Variants in NTNG2 observed in about 807,000 individuals in gnomAD.
NTNG2 encodes netrin G2.
NTNG2 carries 15 observed loss-of-function variants against 47.6 expected under a neutral mutation model. That is an observed-to-expected ratio of 0.32 (90% confidence interval 0.21 to 0.49). The LOEUF is 0.49. NTNG2 is among the 20% of genes least tolerant of loss of function. The probability of loss-of-function intolerance (pLI) is 0.99; values close to 1 mark genes in which losing one functional copy is unlikely to be tolerated. For synonymous variants in NTNG2, 307 were observed against 324.6 expected (o/e 0.95, Z 0.58); for missense variants, 578 against 764.6 (o/e 0.76, Z 2.88).
chr9:132,241,589 A>C, intron 7 of NTNG2: 1 of 427,624 alleles, frequency 2.3e-6, no homozygotes, highest in East Asian at 4.5e-5. Context: ...AGGCGCGTGG[A>C]ACAGCACGTG....
chr9:132,205,617 A>C (rs966682612), intron 3 of NTNG2, among the ~76,000 whole-genome samples: 15 of 152,206 alleles, frequency 9.9e-5, no homozygotes, highest in African/African-American at 3.6e-4. Flanking sequence ...GCGGTGGCTC[A>C]TGCCTGTAAT....
At chr9:132,227,630 T>A (rs928626648) in intron 4 of NTNG2, among the ~76,000 whole-genome samples, 1 of 152,166 alleles carries the variant, frequency 6.6e-6, no homozygotes, top group East Asian at 1.9e-4. Flanking sequence ...TATCCCTTTT[T>A]ACAGATGTGT....
At chr9:132,189,568 C>T (rs1837701676) in intron 2 of NTNG2, among the ~76,000 whole-genome samples, 2 of 152,130 alleles carry the variant, frequency 1.3e-5, no homozygotes, top group East Asian at 3.9e-4. Flanking sequence ...TGTCCTGCTT[C>T]AGGGAAGAAG....
At chr9:132,229,805 G>A (rs949902739) in intron 4 of NTNG2, among the ~76,000 whole-genome samples, 2 of 152,176 alleles carry the variant, frequency 1.3e-5, no homozygotes, top group African/African-American at 2.4e-5. Context: ...GTCCTTTCTC[G>A]GGAACACCGT....
intron 3 of NTNG2, among the ~76,000 whole-genome samples, chr9:132,224,122 A>T (rs1840552204): frequency 6.6e-6 from 1 of 152,098 alleles, no homozygotes; most frequent in Non-Finnish European, 1.5e-5. Context: ...CTCTTTTAAC[A>T]GTTGAACACT....
rs1038611055 is a variant in NTNG2 at position 132,163,410 on chromosome 9, G to T, written c.-484+1171G>T. ...CCGGATAAAGGGCCCGCTCCGGAGC[G>T]GGGGGACACCCGGGCCGCCGGAATT... On this transcript the variant is annotated intron_variant, in intron 1 of 7. Coordinates refer to ENST00000393229, the MANE Select transcript of NTNG2 (RefSeq NM_032536.4). This position sits in a 1 kb window ranked among gnomAD's most constrained non-coding sequence, Gnocchi z 7.2. 2.0e-5 allele frequency among the ~76,000 whole-genome samples: 3 copies of T among 151,548 alleles called. No homozygotes were observed. The highest frequency in any genetic ancestry group is 4.8e-5 in the African/African-American group (2 of 41,272).
rs535074627 is a variant in NTNG2, at chr9:132,181,595, G to A, written c.213+14551G>A. ...CTCCCAAAGTGTCGGGATTACAGGC[G>A]TGAGCCACCGTGCCTGGCCATAGCC... On this transcript the variant is annotated intron_variant, in intron 2 of 7. Coordinates refer to ENST00000393229, the MANE Select transcript of NTNG2 (RefSeq NM_032536.4). 5.3e-5 allele frequency among the ~76,000 whole-genome samples: 8 copies of A among 152,286 alleles called. No homozygotes were observed. In the South Asian group the frequency reaches 8.3e-4, roughly 16 times the overall value.
Position 132,231,521 on chromosome 9 carries a change from G to T in NTNG2, c.1054+926G>T, listed in dbSNP as rs772776915. 4 of 354,562 alleles carry T rather than the reference G, an allele frequency of 1.1e-5. No homozygotes were observed. Among genetic ancestry groups the T allele is most frequent in the African/African-American group, 8.7e-5 (4 of 46,224 alleles). 22.0% of individuals were successfully genotyped at this position (354,562 alleles called of 1,614,324 possible). A position where few individuals can be genotyped will look rare whatever the true frequency, so the allele number is the denominator to read the frequency against. ...TGGGAAGCCAGTGAGCCGAGAGGGCGCCAGAAAGAAGCTGGACCCTGCAGG... is the reference window on the plus strand; with the variant it reads ...TGGGAAGCCAGTGAGCCGAGAGGGCTCCAGAAAGAAGCTGGACCCTGCAGG... On this transcript the variant is annotated intron_variant, in intron 5 of 7. Transcript: ENST00000393229. This position sits in a 1 kb window ranked among gnomAD's most constrained non-coding sequence, Gnocchi z 4.1.
Position 132,162,763 on chromosome 9 carries a change from G to C in NTNG2, c.-484+524G>C, listed in dbSNP as rs1345802062. Among the ~76,000 whole-genome samples, 3 of 151,930 alleles carry C rather than the reference G, an allele frequency of 2.0e-5. No individual in the cohort carries two copies. The highest frequency in any genetic ancestry group is 2.9e-5 in the Non-Finnish European group (2 of 67,984). On this transcript the variant is annotated intron_variant, in intron 1 of 7. Transcript: ENST00000393229. The surrounding 1 kb of genome is among the most constrained non-coding windows in gnomAD (Gnocchi z 4.6). ...CCTCCCATCTCTCTGCAAACTGGGA[G>C]CCTGTGAGTTGCACAGAGAAACTCC...
intron 2 of NTNG2, among the ~76,000 whole-genome samples, chr9:132,172,132 T>A (rs1835971639): frequency 1.3e-5 from 2 of 152,206 alleles, no homozygotes; most frequent in African/African-American, 4.8e-5. Context: ...CCTTGGCCCG[T>A]GCTGTCTCCT....
chr9:132,238,348 G>A (rs546445189), intron 5 of NTNG2, among the ~76,000 whole-genome samples: 4 of 152,266 alleles, frequency 2.6e-5, no homozygotes, highest in East Asian at 3.9e-4. Context: ...TGAGAACCAC[G>A]TAGGGGTGGG....
rs982408718 is a variant in NTNG2, at chr9:132,162,274, G to C, written c.-484+35G>C. The C allele has an allele frequency of 2.0e-5, 3 of 152,198 alleles. No individual in the cohort carries two copies. Among genetic ancestry groups the C allele is most frequent in the South Asian group, 2.1e-4 (1 of 4,866 alleles). 9.4% of individuals were successfully genotyped at this position (152,198 alleles called of 1,614,324 possible). On this transcript the variant is annotated intron_variant, in intron 1 of 7. Coordinates refer to ENST00000393229, the MANE Select transcript of NTNG2 (RefSeq NM_032536.4). This position sits in a 1 kb window ranked among gnomAD's most constrained non-coding sequence, Gnocchi z 4.6. ...GCGGGGAGAGCCCGGGAGGCGGGCG[G>C]GGGGAGAGGCTGCAGCTTGGCCAGG...
chr9:132,194,021 G>A (rs997730593), intron 2 of NTNG2, among the ~76,000 whole-genome samples: 2 of 152,132 alleles, frequency 1.3e-5, no homozygotes, highest in African/African-American at 4.8e-5. Flanking sequence ...CCAACCTGAG[G>A]GTCCCATTTA....
chr9:132,173,915 G>C (rs375169333), intron 2 of NTNG2, among the ~76,000 whole-genome samples: 3 of 122,408 alleles, frequency 2.5e-5, no homozygotes, highest in Admixed American at 8.5e-5. Context: ...ACGGACGGAC[G>C]GACAGATGGA....
Position 132,215,388 on chromosome 9 carries a change from C to T in NTNG2, c.858-11461C>T, listed in dbSNP as rs1356294299. On this transcript the variant is annotated intron_variant, in intron 3 of 7. Transcript: ENST00000393229. This position sits in a 1 kb window ranked among gnomAD's most constrained non-coding sequence, Gnocchi z 4.2. ...TTGAGGTCAGGAGTTTGAGACCAGC[C>T]TGGCCAACGTGGTGAAACCCCATCT... 6.6e-6 allele frequency among the ~76,000 whole-genome samples: 1 copy of T among 152,050 alleles called. No homozygotes were observed. Among genetic ancestry groups the T allele is most frequent in the African/African-American group, 2.4e-5 (1 of 41,362 alleles).
At chr9:132,191,057 G>A (rs920841607) in intron 2 of NTNG2, among the ~76,000 whole-genome samples, 1 of 152,212 alleles carries the variant, frequency 6.6e-6, no homozygotes, top group Non-Finnish European at 1.5e-5. Context: ...GGTACTTAGT[G>A]TCTTATCTGA....
In NTNG2 at chr9:132,242,869, G is replaced by C. The variant is rs1410812788; in HGVS notation, c.*758G>C. ...GTTTTCTTTCTGTGTTGGGGACGGT[G>C]GGCAGGTGTGGGGCTTACAGAGGAA... On this transcript the variant is annotated 3_prime_UTR_variant, in exon 8 of 8. Coordinates refer to ENST00000393229, the MANE Select transcript of NTNG2 (RefSeq NM_032536.4). The surrounding 1 kb of genome is among the most constrained non-coding windows in gnomAD (Gnocchi z 5.9). 1 of 152,270 alleles carries C rather than the reference G, an allele frequency of 6.6e-6. No individual in the cohort carries two copies. The highest frequency in any genetic ancestry group is 1.5e-5 in the Non-Finnish European group (1 of 68,082). The allele number at this position is 152,270 out of a possible 1,614,324, so 9.4% of individuals were successfully genotyped here.
intron 4 of NTNG2, among the ~76,000 whole-genome samples, chr9:132,229,376 C>T (rs1024365361): frequency 3.9e-5 from 6 of 152,126 alleles, no homozygotes; most frequent in African/African-American, 1.2e-4. Flanking sequence ...CCTCCCGCCA[C>T]GTTCTTTGAA....
chr9:132,237,570 C>G (rs1266832649), intron 5 of NTNG2, among the ~76,000 whole-genome samples: 1 of 152,196 alleles, frequency 6.6e-6, no homozygotes, highest in African/African-American at 2.4e-5. Context: ...GACACCTGTT[C>G]CCCATCCGCC....
Sources: allele counts gnomAD v4.1 joint callset (sites outside exome capture counted in the v4.1 genomes callset), GRCh38; gene constraint gnomAD v4.1.1; non-coding constraint Gnocchi (gnomAD v3.1); transcripts MANE v1.5; gene names NCBI Gene and HGNC (gene_info 2026-07-23, HGNC 2026-07-21).